DOCK10: variants seen among roughly 807,000 people sequenced by gnomAD.
DOCK10 encodes the protein dedicator of cytokinesis 10.
DOCK10 carries 145 observed loss-of-function variants against 280.1 expected under a neutral mutation model. That is an observed-to-expected ratio of 0.52 (90% CI 0.45 to 0.59). DOCK10 has a LOEUF of 0.59. Ranked by LOEUF, DOCK10 falls within the 20% of genes least tolerant of loss-of-function variation. The pLI is 0.00. For synonymous variants in DOCK10, 915 were observed against 942.2 expected, an observed-to-expected ratio of 0.97 and a Z score of 0.53; for missense variants, 2,368 against 2,651.7, an observed-to-expected ratio of 0.89 and a Z score of 2.35.
chr2:224,823,135 G>GC (rs1694615761), intron 28 of DOCK10, among the ~76,000 whole-genome samples: 1 of 151,080 alleles, frequency 6.6e-6, no homozygotes, highest in Non-Finnish European at 1.5e-5. Context: ...CTACAGGCAC[G>GC]CACCACCACG....
At chr2:225,035,573 T>C (rs1254940078) in intron 1 of DOCK10, among the ~76,000 whole-genome samples, 2 of 44,152 alleles carry the variant, frequency 4.5e-5, no homozygotes, top group Non-Finnish European at 1.2e-4. Flanking sequence ...TATATATATA[T>C]ATATATATAT....
At chr2:224,999,249 T>TA (rs1559941979) in intron 1 of DOCK10, among the ~76,000 whole-genome samples, 2 of 113,000 alleles carry the variant, frequency 1.8e-5, no homozygotes, top group African/African-American at 1.3e-4. Context: ...TGTCTCTCTC[T>TA]CTTTTTTTTT....
At chr2:224,822,686 T>G (rs1694576418) in intron 28 of DOCK10, among the ~76,000 whole-genome samples, 1 of 152,032 alleles carries the variant, frequency 6.6e-6, no homozygotes, top group South Asian at 2.1e-4. Flanking sequence ...GTGCTCCAGC[T>G]TGGGTTGACA....
At chr2:224,992,399 C>T (rs1706153052) in intron 1 of DOCK10, among the ~76,000 whole-genome samples, 1 of 152,134 alleles carries the variant, frequency 6.6e-6, no homozygotes, top group South Asian at 2.1e-4. Flanking sequence ...AAAAAGATAG[C>T]CTGAGCTCAA....
intron 14 of DOCK10, 137 bp from the exon 15 acceptor site, chr2:224,857,119 CT>C: frequency 1.5e-6 from 1 of 653,394 alleles, no homozygotes; most frequent in Non-Finnish European, 2.3e-6. Context: ...AGACCAAAAA[CT>C]TTTACAAATG....
At position 224,819,431 on chromosome 2, in the gene DOCK10, G is replaced by C. The variant is rs1342669313; in HGVS notation, c.3267+15C>G. The C allele has an allele frequency of 6.5e-7, 1 of 1,546,342 alleles. No homozygotes were observed. Among genetic ancestry groups the C allele is most frequent in the Admixed American group, 1.8e-5 (1 of 56,920 alleles). ...CATAGTTTAGAAAACAATCACTCCT[G>C]TACGTGGTTCTTACCTTAAGGTCAC... is the stretch of plus-strand genomic sequence containing the variant. On this transcript the variant is annotated intron_variant, in intron 29 of 55. Transcript: ENST00000258390.
intron 1 of DOCK10, among the ~76,000 whole-genome samples, chr2:225,037,069 G>A (rs1690281347): frequency 6.6e-6 from 1 of 152,170 alleles, no homozygotes; most frequent in African/African-American, 2.4e-5. Context: ...CATACTCCCA[G>A]ACACACAATG....
intron 1 of DOCK10, among the ~76,000 whole-genome samples, chr2:224,957,879 A>T (rs1704142015): frequency 6.6e-6 from 1 of 152,182 alleles, no homozygotes; most frequent in Non-Finnish European, 1.5e-5. Flanking sequence ...AATAACTTAG[A>T]ATATTATCTC....
intron 16 of DOCK10, 65 bp from the exon 17 acceptor site, chr2:224,853,187 A>G: frequency 7.3e-7 from 1 of 1,371,622 alleles, no homozygotes; most frequent in Non-Finnish European, 9.8e-7. Flanking sequence ...ACAATAGTTA[A>G]CATGTTTTAA....
At position 224,801,995 on chromosome 2, in the gene DOCK10, T is replaced by C. The variant is rs1236531267; in HGVS notation, c.4314A>G (p.Ser1438=). 6.2e-7 allele frequency: 1 copy of C among 1,612,824 alleles called. No individual in the cohort carries two copies. The highest frequency in any genetic ancestry group is 1.1e-5 in the South Asian group (1 of 91,062). Residue 1438 remains serine, a synonymous_variant, in exon 40 of 56, where the codon TCA becomes TCG. Coordinates refer to ENST00000258390, the MANE Select transcript of DOCK10 (RefSeq NM_014689.3). ...TGCCTCGAATTATAGGTAAAGTTTG[T>C]GATCTGTGCTGCTTATGGCCTTCAT... is the stretch of plus-strand genomic sequence containing the variant. ...SSHEGHKQHR[S]QTLPIIRGKN... is the part of the protein sequence containing the mutation.
intron 52 of DOCK10, among the ~76,000 whole-genome samples, 169 bp downstream of exon 52, chr2:224,774,736 T>C (rs1466061601): frequency 2.6e-5 from 4 of 152,186 alleles, no homozygotes; most frequent in African/African-American, 9.7e-5. Flanking sequence ...CTTCTGTTAA[T>C]GGAGAATAAA....
chr2:224,784,909 GT>G (rs1691630552), intron 50 of DOCK10, among the ~76,000 whole-genome samples: 1 of 152,116 alleles, frequency 6.6e-6, no homozygotes, highest in South Asian at 2.1e-4. Context: ...TATTAACGGG[GT>G]TTTTTACTTT....
intron 1 of DOCK10, among the ~76,000 whole-genome samples, chr2:224,969,186 A>G (rs1704942967): frequency 6.6e-6 from 1 of 152,288 alleles, no homozygotes; most frequent in South Asian, 2.1e-4. Flanking sequence ...AAATGGGGGT[A>G]CCAGATTTCT....
At chr2:224,960,262 A>T (rs929661931) in intron 1 of DOCK10, among the ~76,000 whole-genome samples, 4 of 152,242 alleles carry the variant, frequency 2.6e-5, no homozygotes, top group African/African-American at 9.6e-5. Flanking sequence ...CTCTTCCTCC[A>T]GTCTGAGGGG....
At chr2:224,857,908 A>C (rs1230440200) in intron 14 of DOCK10, among the ~76,000 whole-genome samples, 1 of 152,210 alleles carries the variant, frequency 6.6e-6, no homozygotes. Flanking sequence ...TTTAGTGTTA[A>C]ATAGAACACC....
intron 15 of DOCK10, 33 bp downstream of exon 15, chr2:224,856,827 T>C (rs779067520): frequency 1.9e-6 from 3 of 1,552,192 alleles, no homozygotes; most frequent in African/African-American, 1.4e-5. Flanking sequence ...ATGGCTGATT[T>C]ATGTTAATTT....
intron 29 of DOCK10, 76 bp from the exon 30 acceptor site, chr2:224,816,789 A>C (rs1356322910): frequency 1.3e-6 from 1 of 796,188 alleles, no homozygotes; most frequent in African/African-American, 1.8e-5. Context: ...CAAAATCTGC[A>C]CTTGAATCTT....
At chr2:224,954,686 T>C (rs1211115139) in intron 1 of DOCK10, among the ~76,000 whole-genome samples, 1 of 152,204 alleles carries the variant, frequency 6.6e-6, no homozygotes, top group Non-Finnish European at 1.5e-5. Flanking sequence ...AGCTAGCTCA[T>C]AGCATTTCTA....
intron 26 of DOCK10, among the ~76,000 whole-genome samples, chr2:224,831,236 A>G (rs1003880900): frequency 4.0e-4 from 61 of 152,136 alleles, no homozygotes; most frequent in African/African-American, 1.5e-3. Flanking sequence ...AGCCTGACCT[A>G]AACAAACTTT....
Sources: allele counts gnomAD v4.1 joint callset (sites outside exome capture counted in the v4.1 genomes callset), GRCh38; gene constraint gnomAD v4.1.1; transcripts MANE v1.5; gene names NCBI Gene and HGNC (gene_info 2026-07-23, HGNC 2026-07-21).